The following RNF32 variants were observed in gnomAD, a reference collection of about 807,000 sequenced individuals.
RNF32 encodes ring finger protein 32.
A neutral mutation model predicts 41.0 loss-of-function variants in RNF32; 36 were observed. The observed-to-expected ratio is 0.88, with a 90% CI of 0.67 to 1.16. The LOEUF is 1.16. RNF32 is among the 50% of genes most tolerant of loss of function. The pLI, the probability that RNF32 is intolerant of heterozygous loss-of-function variation, is 0.00. For missense variants in RNF32, 413 were observed against 436.7 expected (o/e 0.95, Z 0.48); for synonymous variants, 154 against 160.9 (o/e 0.96, Z 0.32).
intron 7 of RNF32, among the ~76,000 whole-genome samples, chr7:156,665,415 A>C (rs942667820): frequency 1.2e-4 from 19 of 152,228 alleles, no homozygotes; most frequent in Non-Finnish European, 4.4e-5. Context: ...TTACAAAGCA[A>C]AATGTGTGGC....
At chr7:156,648,248 G>A (rs1798245499) in intron 3 of RNF32, among the ~76,000 whole-genome samples, 1 of 152,302 alleles carries the variant, frequency 6.6e-6, no homozygotes, top group Admixed American at 6.5e-5. Flanking sequence ...GGAGGTGCTG[G>A]AAGATCTGTG....
At position 156,660,349 on chromosome 7, in the gene RNF32, T is replaced by C; in HGVS notation, c.684+1779T>C. 2.1e-6 allele frequency: 2 copies of C among 943,446 alleles called. 1 individual carries two copies. Among genetic ancestry groups the C allele is most frequent in the Non-Finnish European group, 2.5e-6 (2 of 791,596 alleles). The allele number at this position is 943,446 out of a possible 1,614,324, so 58.4% of individuals were successfully genotyped here. Reference sequence around the variant, plus strand: ...AAGAACAGAAGTATGAATGCTATTCTAGCTTGTATATTACAAATGTGGTTT... The same window carrying C: ...AAGAACAGAAGTATGAATGCTATTCCAGCTTGTATATTACAAATGTGGTTT... On this transcript the variant is annotated intron_variant, in intron 7 of 8. Transcript: ENST00000317955.
chr7:156,664,651 G>T (rs533506682), intron 7 of RNF32, among the ~76,000 whole-genome samples: 1 of 152,250 alleles, frequency 6.6e-6, no homozygotes, highest in Admixed American at 6.5e-5. Flanking sequence ...TGTAATCAAT[G>T]AGTAGAATAT....
intron 8 of RNF32, 146 bp from the exon 9 acceptor site, chr7:156,676,273 A>G (rs759884710): frequency 1.3e-6 from 2 of 1,554,324 alleles, no homozygotes; most frequent in Non-Finnish European, 8.7e-7. Context: ...ATATAAATAA[A>G]ATGCATGTGA....
chr7:156,640,562 CGGGG>C, upstream of RNF32: 1 of 392,766 alleles, frequency 2.5e-6, no homozygotes, highest in Non-Finnish European at 5.0e-6. Context: ...ACGCCGTGCG[CGGGG>C]CGGGGGCCGG....
chr7:156,643,833 T>C lies in RNF32; in HGVS notation c.-45T>C. On this transcript the variant is annotated 5_prime_UTR_variant, in exon 2 of 9. An upstream start codon of the reference 5' UTR is lost. Transcript: ENST00000317955. ...ATAGAAGGAAGGTGATAGGATGTGA[T>C]GATAGAATTTGTGATAGCCAAGCAA... The C allele has an allele frequency of 1.3e-6, 2 of 1,579,544 alleles. No homozygotes were observed. The highest frequency in any genetic ancestry group is 2.2e-5 in the South Asian group (2 of 90,198).
Position 156,654,682 on chromosome 7 carries a change from C to T in RNF32, c.381C>T (p.Cys127=). The change falls in exon 4 of 9, where the codon TGC becomes TGT. Residue 127 remains cysteine (C), a synonymous_variant. Transcript: ENST00000317955. ...TGCAAGGGGACTCCGTGCAACCATG[C>T]CCCATCTGTAAAGAAGAATTCGAGC... ...SLLQGDSVQP[C]PICKEEFELR... 3 of 1,614,110 alleles carry T rather than the reference C, an allele frequency of 1.9e-6. No homozygotes were observed. The highest frequency in any genetic ancestry group is 1.1e-5 in the South Asian group (1 of 91,080).
intron 7 of RNF32, among the ~76,000 whole-genome samples, chr7:156,662,573 C>T (rs942391726): frequency 2.0e-5 from 3 of 151,998 alleles, no homozygotes; most frequent in African/African-American, 7.3e-5. Flanking sequence ...CTTGCGTGTG[C>T]TTTCTCTCTG....
chr7:156,673,906 T>TA (rs3030984), intron 7 of RNF32, among the ~76,000 whole-genome samples: 1,919 of 100,836 alleles, frequency 0.019, 16 homozygotes, highest in Non-Finnish European at 0.027. Context: ...TCCACATTAA[T>TA]AAAAAAAAAA....
At chr7:156,649,844 C>T (rs1330773835) in intron 3 of RNF32, among the ~76,000 whole-genome samples, 2 of 152,212 alleles carry the variant, frequency 1.3e-5, no homozygotes, top group African/African-American at 4.8e-5. Flanking sequence ...TGACGTTTAA[C>T]CATGGATTAC....
At chr7:156,663,905 A>T (rs1004145613) in intron 7 of RNF32, among the ~76,000 whole-genome samples, 5 of 152,258 alleles carry the variant, frequency 3.3e-5, no homozygotes, top group Non-Finnish European at 5.9e-5. Context: ...TGCCAAGAAC[A>T]TTCCACACGG....
chr7:156,657,529 C>A lies in RNF32; in HGVS notation c.418-12C>A, dbSNP rs1197485878. 6.2e-7 allele frequency: 1 copy of A among 1,614,028 alleles called. No individual in the cohort carries two copies. The highest frequency in any genetic ancestry group is 8.5e-7 in the Non-Finnish European group (1 of 1,179,868). On this transcript the variant is annotated splice_polypyrimidine_tract_variant and intron_variant, in intron 4 of 8. Transcript: ENST00000317955. ...TGTAAACTTCAACGTCGTTCTGTTTCCTCATGAACAGGTGCTGCTTTCATG... is the reference window on the plus strand; with the variant it reads ...TGTAAACTTCAACGTCGTTCTGTTTACTCATGAACAGGTGCTGCTTTCATG...
At chr7:156,642,044 T>C (rs1797414428) in intron 1 of RNF32, among the ~76,000 whole-genome samples, 1 of 152,248 alleles carries the variant, frequency 6.6e-6, no homozygotes, top group Non-Finnish European at 1.5e-5. Context: ...AGTGAGTTTG[T>C]TCTTTCGGTT....
intron 7 of RNF32, among the ~76,000 whole-genome samples, chr7:156,663,511 A>C (rs919282393): frequency 6.6e-6 from 1 of 152,222 alleles, no homozygotes; most frequent in East Asian, 1.9e-4. Context: ...ATGAGTAAAA[A>C]TGTCCACTTA....
intron 3 of RNF32, chr7:156,654,318 T>C (rs1369697986): frequency 6.1e-6 from 2 of 329,314 alleles, no homozygotes; most frequent in African/African-American, 2.1e-5. Context: ...GTAATCGAGA[T>C]GACTGGCAGT....
chr7:156,676,138 A>G, intron 8 of RNF32: 1 of 957,644 alleles, frequency 1.0e-6, no homozygotes, highest in Non-Finnish European at 1.5e-6. Flanking sequence ...GTGACGGCAA[A>G]GGTCCCTTCA....
intron 7 of RNF32, among the ~76,000 whole-genome samples, chr7:156,662,681 ATTG>A (rs1249931586): frequency 1.3e-5 from 2 of 152,020 alleles, no homozygotes; most frequent in East Asian, 3.9e-4. Context: ...AAATTACAAA[ATTG>A]TTGTATACAA....
chr7:156,646,566 T>C, intron 3 of RNF32: 1 of 1,230,302 alleles, frequency 8.1e-7, no homozygotes, highest in Non-Finnish European at 1.1e-6. Flanking sequence ...TCCAGGTGAA[T>C]AAGAATTTTG....
chr7:156,656,184 T>C (rs942587781), intron 4 of RNF32, among the ~76,000 whole-genome samples: 3 of 152,214 alleles, frequency 2.0e-5, no homozygotes, highest in Non-Finnish European at 4.4e-5. Flanking sequence ...ATAAAAACAA[T>C]TCAAATGACT....
Sources: gnomAD v4.1 joint callset for allele counts (sites outside exome capture counted in the v4.1 genomes callset) on GRCh38, gnomAD v4.1.1 for gene constraint, MANE v1.5 for transcripts, NCBI Gene and HGNC (gene_info 2026-07-23, HGNC 2026-07-21) for gene names.